ABR: variants seen among roughly 807,000 people sequenced by gnomAD.
The protein encoded by ABR is ABR activator of RhoGEF and GTPase, also known as active breakpoint cluster region-related protein.
ABR carries 35 observed loss-of-function variants against 107.2 expected under a neutral mutation model. The observed-to-expected ratio is 0.33, with a 90% CI of 0.25 to 0.43. The LOEUF is 0.43. ABR is among the 20% of genes least tolerant of loss of function. ABR has a pLI of 1.00. For missense variants in ABR, 815 were observed against 1,115.2 expected (o/e 0.73, Z 3.83); for synonymous variants, 498 against 462.0 (o/e 1.08, Z -1.00).
Position 1,194,802 on chromosome 17 carries a change from T to C in ABR, c.838+33991A>G, listed in dbSNP as rs113944325. ...CCTAGTAGCTGGGATTACAGGCATG[T>C]GCCACCATGCCCTAAAAATTTTGTA... On this transcript the variant is annotated intron_variant, in intron 1 of 22. Coordinates refer to the ABR transcript ENST00000574139. Among the ~76,000 whole-genome samples, 419 of 124,756 alleles carry C rather than the reference T, an allele frequency of 3.4e-3. 83 individuals are homozygous for C. Among genetic ancestry groups the C allele is most frequent in the South Asian group, 5.9e-3 (20 of 3,362 alleles). 81.8% of individuals were successfully genotyped at this position (124,756 alleles called of 152,430 possible).
In ABR at chr17:1,007,224, C is replaced by T. The variant is rs771480321; in HGVS notation, c.2431G>A (p.Glu811Lys). 4 of 1,614,110 alleles carry T rather than the reference C, an allele frequency of 2.5e-6. No homozygotes were observed. In the South Asian group the frequency reaches 4.4e-5, roughly 18 times the overall value. ...GCCGAGGTGAGGTGTGCTTTGCTCT[C>T]CACTTCTGAGGGTCTCAGTAACGTG... ...GPTLLRPSEV[E>K]SKAHLTSAAD... Residue 811 changes from glutamate to lysine, a missense_variant, in exon 22 of 23, where the codon GAG becomes AAG. Transcript: ENST00000302538.
At chr17:1,186,898 C>T (rs1213277889) in exon 1 of ABR, 1 of 152,386 alleles carries the variant, frequency 6.6e-6, no homozygotes, top group Non-Finnish European at 1.5e-5. Context: ...TGGCTCCAAT[C>T]TCCTTAGCCC....
rs1597599526 is a variant in ABR, at chr17:1,058,960, C to T, written c.1183-93G>A. ...CGACACTCCACTGTGTGTTAACATG[C>T]TCTTTACATTTTCCGTATTTCGTGA... On this transcript the variant is annotated intron_variant, in intron 10 of 22. Transcript: ENST00000302538. 2.6e-6 allele frequency: 4 copies of T among 1,516,352 alleles called. No individual in the cohort carries two copies. The East Asian group carries it at 9.1e-5, about 35-fold the overall frequency. 93.9% of individuals were successfully genotyped at this position (1,516,352 alleles called of 1,614,324 possible).
chr17:1,096,524 A>C (rs187707857), intron 3 of ABR, among the ~76,000 whole-genome samples: 93 of 152,004 alleles, frequency 6.1e-4, no homozygotes, highest in Non-Finnish European at 9.4e-4. Context: ...TTTCACTCTG[A>C]GGTTTTCTTC....
chr17:1,091,622 A>G, intron 4 of ABR, 43 bp downstream of exon 4: 2 of 1,589,432 alleles, frequency 1.3e-6, no homozygotes, highest in Non-Finnish European at 1.7e-6. Context: ...TATGGGCTCC[A>G]CTGAGGCCCT....
In ABR at chr17:1,092,626, C is replaced by T. The variant is rs17695897; in HGVS notation, c.346-776G>A. ...GCCTAGCAGTGGGACCGTGGGATAA[C>T]GGGACGTGCAGGCATTTCCTCAGTG... On this transcript the variant is annotated intron_variant, in intron 3 of 22. Coordinates refer to ENST00000302538, the MANE Select transcript of ABR (RefSeq NM_021962.5). This position sits in a 1 kb window ranked among gnomAD's most constrained non-coding sequence, Gnocchi z 4.6. 0.11 allele frequency among the ~76,000 whole-genome samples: 16,919 copies of T among 151,936 alleles called. 1,157 individuals carry two copies. The highest frequency in any genetic ancestry group is 0.21 in the Middle Eastern group (62 of 294).
At chr17:1,029,124 G>T (rs2072491849) in intron 16 of ABR, among the ~76,000 whole-genome samples, 1 of 151,392 alleles carries the variant, frequency 6.6e-6, no homozygotes, top group Non-Finnish European at 1.5e-5. Flanking sequence ...AAAACAAACA[G>T]GGAAAAGGAA....
chr17:1,167,227 A>G (rs2041548243), intron 1 of ABR, among the ~76,000 whole-genome samples: 1 of 151,646 alleles, frequency 6.6e-6, no homozygotes, highest in Non-Finnish European at 1.5e-5. Context: ...CTGCCCTCCT[A>G]ACACCCAGCT....
In ABR at chr17:1,027,211, A is replaced by G. The variant is rs1278824215; in HGVS notation, c.1792-14047T>C. 6.6e-6 allele frequency among the ~76,000 whole-genome samples: 1 copy of G among 152,178 alleles called. No homozygotes were observed. Among genetic ancestry groups the G allele is most frequent in the Non-Finnish European group, 1.5e-5 (1 of 68,024 alleles). On this transcript the variant is annotated intron_variant, in intron 16 of 22. Transcript: ENST00000302538. This position sits in a 1 kb window ranked among gnomAD's most constrained non-coding sequence, Gnocchi z 4.7. The stretch of plus-strand genomic sequence containing the variant: ...GTTCTCCTCTCCCTGGTCCAGAGCC[A>G]TCCAAAAGCTGGGGCACCGCGCCCA...
Position 1,019,788 on chromosome 17 carries a change from G to T in ABR, c.1792-6624C>A, listed in dbSNP as rs185194097. The stretch of plus-strand genomic sequence containing the variant: ...GCTGGCCCCTGGGACGTTGGTGGAT[G>T]GGACACCTGACTGCTCACCCTCTGG... On this transcript the variant is annotated intron_variant, in intron 16 of 22. Transcript: ENST00000302538. Among the ~76,000 whole-genome samples the T allele has an allele frequency of 1.0e-3, 152 of 152,372 alleles. 1 individual carries two copies. The East Asian group carries it at 0.013, about 14-fold the overall frequency.
In ABR at chr17:1,003,951, C is replaced by T. The variant is rs1182703618; in HGVS notation, c.*2129G>A. 1 of 152,318 alleles carries T rather than the reference C, an allele frequency of 6.6e-6. No individual in the cohort carries two copies. The highest frequency in any genetic ancestry group is 1.9e-4 in the East Asian group (1 of 5,200). 9.4% of individuals were successfully genotyped at this position (152,318 alleles called of 1,614,324 possible). On this transcript the variant is annotated 3_prime_UTR_variant, in exon 23 of 23. Transcript: ENST00000302538. ...TCCAGGTCTGGCACCTGACCCTCCC[C>T]ACTCTGGGGGTGGGATTTATAAATA...
chr17:1,089,922 T>C (rs141514151), intron 4 of ABR, among the ~76,000 whole-genome samples: 76 of 152,264 alleles, frequency 5.0e-4, no homozygotes, highest in African/African-American at 1.8e-3. Flanking sequence ...ATCACGCCAC[T>C]GCACTCCAGC....
chr17:1,209,754 C>T (rs1442820447), intron 1 of ABR, among the ~76,000 whole-genome samples: 1 of 152,236 alleles, frequency 6.6e-6, no homozygotes, highest in Non-Finnish European at 1.5e-5. Context: ...ACCCCACACA[C>T]ATACGAGTTA....
intron 16 of ABR, among the ~76,000 whole-genome samples, chr17:1,048,254 A>G (rs190631050): frequency 9.8e-5 from 15 of 152,328 alleles, no homozygotes; most frequent in African/African-American, 3.6e-4. Flanking sequence ...TGCAGACCCC[A>G]CAGCATCGGA....
rs1438089300 is a variant in ABR at position 1,004,666 on chromosome 17, C to T, written c.*1414G>A. 3.7e-5 allele frequency: 7 copies of T among 191,774 alleles called. No homozygotes were observed. The highest frequency in any genetic ancestry group is 2.3e-4 in the East Asian group (2 of 8,536). 11.9% of individuals were successfully genotyped at this position (191,774 alleles called of 1,614,324 possible). On this transcript the variant is annotated 3_prime_UTR_variant, in exon 23 of 23. Transcript: ENST00000302538. ...AGTACCGGGCAATGCGTCTGCAAGT[C>T]GGGTCCCTGCTCCCTGGCGGGTGCC...
At chr17:1,188,554 A>G (rs1456622693), upstream of ABR, among the ~76,000 whole-genome samples, 1 of 151,936 alleles carries the variant, frequency 6.6e-6, no homozygotes, top group Non-Finnish European at 1.5e-5. Context: ...CGTCTCAAAA[A>G]AAAAAAAAAA....
chr17:1,107,350 C>G (rs919228351), intron 2 of ABR, among the ~76,000 whole-genome samples: 52 of 152,354 alleles, frequency 3.4e-4, no homozygotes, highest in African/African-American at 1.2e-3. Flanking sequence ...TGTGCAGACT[C>G]TCACAGGCAC....
exon 1 of ABR, among the ~76,000 whole-genome samples, chr17:1,229,174 C>T (rs1486290010): frequency 6.6e-6 from 1 of 151,544 alleles, no homozygotes; most frequent in Non-Finnish European, 1.5e-5. Context: ...TCGCCCCCCT[C>T]GTCCGTGCCG....
At chr17:1,161,297 C>T (rs2041282398) in intron 1 of ABR, among the ~76,000 whole-genome samples, 2 of 151,738 alleles carry the variant, frequency 1.3e-5, no homozygotes, top group African/African-American at 4.8e-5. Flanking sequence ...GGCCAGAGTG[C>T]AGAATGTGAT....
Sources: allele counts gnomAD v4.1 joint callset (sites outside exome capture counted in the v4.1 genomes callset), GRCh38; gene constraint gnomAD v4.1.1; non-coding constraint Gnocchi (gnomAD v3.1); transcripts MANE v1.5; gene names NCBI Gene and HGNC (gene_info 2026-07-23, HGNC 2026-07-21).